Variants in IQSEC2 observed in about 807,000 individuals in gnomAD.
IQSEC2 encodes IQ motif and SEC7 domain-containing protein 2.
IQSEC2 carries 6 observed loss-of-function variants against 74.6 expected under a neutral mutation model. That is an observed-to-expected ratio of 0.08 (90% CI 0.04 to 0.16). The LOEUF is 0.16. IQSEC2 is among the 10% of genes least tolerant of loss of function. The pLI, the probability that IQSEC2 is intolerant of heterozygous loss-of-function variation, is 1.00. For synonymous variants in IQSEC2, 494 were observed against 544.5 expected, an observed-to-expected ratio of 0.91 and a Z score of 1.29; for missense variants, 734 against 1,306.2, an observed-to-expected ratio of 0.56 and a Z score of 6.75.
At chrX:53,227,617 A>G (rs1395347616), downstream of IQSEC2, 13 of 312,542 alleles carry the variant, frequency 4.2e-5, 1 homozygote, top group Non-Finnish European at 5.1e-5. Context: ...TGATGGTGGT[A>G]GTGGTGGTGG....
At chrX:53,265,719 C>T (rs971381396) in intron 2 of IQSEC2, among the ~76,000 whole-genome samples, 16 of 111,748 alleles carry the variant, frequency 1.4e-4, no homozygotes. Flanking sequence ...TAGAACCAGC[C>T]TCTGCCCAGG....
chrX:53,309,270 A>C (rs781903664), intron 1 of IQSEC2, among the ~76,000 whole-genome samples: 1 of 112,326 alleles, frequency 8.9e-6, no homozygotes, highest in South Asian at 3.7e-4. Context: ...AGTTACCGCC[A>C]GAAGAACTAA....
chrX:53,297,097 G>T (rs1219333192), intron 1 of IQSEC2, among the ~76,000 whole-genome samples: 2 of 109,541 alleles, frequency 1.8e-5, no homozygotes, highest in African/African-American at 6.7e-5. Context: ...GCCTCCTGGG[G>T]TCAAGCAGTA....
chrX:53,264,013 A>G (rs1350469364), intron 2 of IQSEC2, among the ~76,000 whole-genome samples: 1 of 112,129 alleles, frequency 8.9e-6, no homozygotes, highest in African/African-American at 3.2e-5. Flanking sequence ...TGTGTGTGTG[A>G]CCATCCTGCC....
At chrX:53,313,752 G>GT (rs2075342299) in intron 1 of IQSEC2, among the ~76,000 whole-genome samples, 1 of 111,696 alleles carries the variant, frequency 9.0e-6, no homozygotes, top group South Asian at 3.7e-4. Context: ...CTGCACACAG[G>GT]TCCTGTGCAG....
At chrX:53,263,525 A>G (rs2074601852) in intron 2 of IQSEC2, among the ~76,000 whole-genome samples, 1 of 109,244 alleles carries the variant, frequency 9.2e-6, no homozygotes, top group Non-Finnish European at 1.9e-5. Flanking sequence ...AGGCAATAGC[A>G]GGTTACTTGC....
rs145491354 is a variant in IQSEC2 at position 53,308,147 on chromosome X, G to C, written c.707+12270C>G. ...CCACCGCACTCCAGCCTAGGCGACA[G>C]AGCGAGACTCCATCTCAAAAAAAAA... On this transcript the variant is annotated intron_variant, in intron 1 of 14. Transcript: ENST00000642864. Among the ~76,000 whole-genome samples, 606 of 72,268 alleles carry C rather than the reference G, an allele frequency of 8.4e-3. 8 individuals are homozygous for C. Among genetic ancestry groups the C allele is most frequent in the African/African-American group, 0.032 (563 of 17,865 alleles). The allele number at this position is 72,268 out of a possible 115,157, so 62.8% of individuals were successfully genotyped here. A position where few individuals can be genotyped will look rare whatever the true frequency, so the allele number is the denominator to read the frequency against.
At chrX:53,281,280 G>C (rs1470182348) in intron 2 of IQSEC2, among the ~76,000 whole-genome samples, 1 of 112,664 alleles carries the variant, frequency 8.9e-6, no homozygotes, top group Non-Finnish European at 1.9e-5. Context: ...AGGCTGTGCT[G>C]CTCAGGGTTC....
At chrX:53,297,367 T>C (rs939723418) in intron 1 of IQSEC2, among the ~76,000 whole-genome samples, 1 of 110,653 alleles carries the variant, frequency 9.0e-6, no homozygotes, top group Admixed American at 9.6e-5. Context: ...GTCCTCATCC[T>C]ATTACCCAGG....
chrX:53,235,662 G>C (rs2074115278), intron 14 of IQSEC2, 121 bp downstream of exon 14: 2 of 708,109 alleles, frequency 2.8e-6, no homozygotes, highest in Non-Finnish European at 4.4e-6. Flanking sequence ...TTGGCTGGGA[G>C]AGGCAGCCGC....
intron 2 of IQSEC2, among the ~76,000 whole-genome samples, chrX:53,282,160 C>T (rs1166265142): frequency 8.9e-6 from 1 of 112,782 alleles, no homozygotes; most frequent in Non-Finnish European, 1.9e-5. Flanking sequence ...TCTCACTCTT[C>T]TATGTTGTTT....
chrX:53,296,255 G>A (rs1440516485), intron 1 of IQSEC2, among the ~76,000 whole-genome samples: 3 of 111,041 alleles, frequency 2.7e-5, no homozygotes, highest in Admixed American at 9.5e-5. Context: ...GGCTGGTCTC[G>A]AACTCCCGAC....
At chrX:53,299,190 G>T (rs1374364543) in intron 1 of IQSEC2, among the ~76,000 whole-genome samples, 2 of 110,326 alleles carry the variant, frequency 1.8e-5, no homozygotes, top group Non-Finnish European at 3.8e-5. Context: ...GGGATTACAG[G>T]CATAGGCCAC....
chrX:53,233,786 C>T lies in IQSEC2; in HGVS notation c.*433G>A, dbSNP rs1358973572. On this transcript the variant is annotated 3_prime_UTR_variant, in exon 15 of 15. Transcript: ENST00000642864. ...TACAGAGCGCTCTCCTAGCCCCACA[C>T]GGCCAGAGGAGCCCCAGGGAAGCCT... 2.0e-5 allele frequency: 6 copies of T among 295,370 alleles called. No individual in the cohort carries two copies. The highest frequency in any genetic ancestry group is 3.5e-5 in the Non-Finnish European group (6 of 169,760). 24.3% of individuals were successfully genotyped at this position (295,370 alleles called of 1,213,427 possible).
chrX:53,267,514 G>C (rs185904843), intron 2 of IQSEC2, among the ~76,000 whole-genome samples: 1 of 111,990 alleles, frequency 8.9e-6, no homozygotes, highest in Non-Finnish European at 1.9e-5. Flanking sequence ...GGTAGAGTCA[G>C]GATTTGAACC....
chrX:53,266,332 A>AGATC (rs1235444700), intron 2 of IQSEC2: 4 of 740,382 alleles, frequency 5.4e-6, no homozygotes, highest in Non-Finnish European at 6.4e-6. Flanking sequence ...CAGAGAGAAG[A>AGATC]GATCAGCTTT....
chrX:53,248,934 C>T, intron 5 of IQSEC2, 52 bp from the exon 6 acceptor site: 1 of 1,157,979 alleles, frequency 8.6e-7, no homozygotes, highest in Non-Finnish European at 1.2e-6. Context: ...GAACTGTGCT[C>T]TCTGTCTCAT....
chrX:53,261,058 G>A (rs1556866440), intron 2 of IQSEC2, among the ~76,000 whole-genome samples: 1 of 110,742 alleles, frequency 9.0e-6, no homozygotes, highest in Non-Finnish European at 1.9e-5. Flanking sequence ...CCTCCCACAA[G>A]GGAGCCTGGC....
intron 9 of IQSEC2, 54 bp downstream of exon 9, chrX:53,243,278 G>A: frequency 9.3e-7 from 1 of 1,069,733 alleles, no homozygotes; most frequent in South Asian, 2.0e-5. Context: ...TTACCACTTA[G>A]TGGCAGAGGC....
Sources: allele counts gnomAD v4.1 joint callset (sites outside exome capture counted in the v4.1 genomes callset), GRCh38; gene constraint gnomAD v4.1.1; transcripts MANE v1.5; gene names NCBI Gene and HGNC (gene_info 2026-07-23, HGNC 2026-07-21).